The following TEK variants were observed in gnomAD, a reference collection of about 807,000 sequenced individuals.
TEK encodes TEK receptor tyrosine kinase, also known as angiopoietin-1 receptor.
A neutral mutation model predicts 131.8 loss-of-function variants in TEK; 43 were observed. The observed-to-expected ratio is 0.33, with a 90% CI of 0.26 to 0.42. TEK has a LOEUF of 0.42. Ranked by LOEUF, TEK falls within the 10% of genes least tolerant of loss-of-function variation. The pLI is 1.00. For synonymous variants in TEK, 580 were observed against 491.6 expected, an observed-to-expected ratio of 1.18 and a Z score of -2.38; for missense variants, 1,162 against 1,384.4, an observed-to-expected ratio of 0.84 and a Z score of 2.55.
At chr9:27,137,226 T>C (rs1822493054) in intron 1 of TEK, among the ~76,000 whole-genome samples, 1 of 152,208 alleles carries the variant, frequency 6.6e-6, no homozygotes, top group African/African-American at 2.4e-5. Flanking sequence ...CCTAAATCTA[T>C]CTTTTGATAA....
chr9:27,176,649 A>G (rs1415604876), intron 6 of TEK, among the ~76,000 whole-genome samples: 2 of 152,228 alleles, frequency 1.3e-5, no homozygotes, highest in Non-Finnish European at 2.9e-5. Flanking sequence ...CTGTTAAGCT[A>G]ATTAACATAT....
intron 1 of TEK, among the ~76,000 whole-genome samples, chr9:27,136,913 CTT>C (rs1554689195): frequency 6.6e-6 from 1 of 151,960 alleles, no homozygotes; most frequent in Non-Finnish European, 1.5e-5. Flanking sequence ...GTTTTTAAAT[CTT>C]TGTTTATTTA....
intron 21 of TEK, among the ~76,000 whole-genome samples, chr9:27,223,217 C>G (rs2756906): frequency 3.9e-5 from 6 of 151,902 alleles, no homozygotes; most frequent in Non-Finnish European, 8.8e-5. Flanking sequence ...GACGGATCAA[C>G]GAGACAGAAG....
chr9:27,134,166 T>C (rs1822329737), intron 1 of TEK, among the ~76,000 whole-genome samples: 1 of 152,230 alleles, frequency 6.6e-6, no homozygotes, highest in African/African-American at 2.4e-5. Flanking sequence ...TTTATGACAT[T>C]GATTTTTGTC....
At chr9:27,176,772 T>C (rs866373882) in intron 6 of TEK, among the ~76,000 whole-genome samples, 1 of 152,224 alleles carries the variant, frequency 6.6e-6, no homozygotes, top group African/African-American at 2.4e-5. Flanking sequence ...CCACACTGTC[T>C]ATTAGAACTC....
intron 2 of TEK, among the ~76,000 whole-genome samples, chr9:27,165,007 G>A (rs1823674814): frequency 6.6e-6 from 1 of 152,320 alleles, no homozygotes; most frequent in Admixed American, 6.5e-5. Context: ...GAACATGAAT[G>A]TTGGATTTCC....
intron 13 of TEK, 125 bp downstream of exon 13, chr9:27,203,244 CAG>C: frequency 9.9e-7 from 1 of 1,005,858 alleles, no homozygotes; most frequent in South Asian, 1.4e-5. Context: ...CAGGCATTTA[CAG>C]AGAGGTCCTT....
intron 1 of TEK, among the ~76,000 whole-genome samples, chr9:27,137,727 G>C (rs900757280): frequency 2.0e-5 from 3 of 152,132 alleles, no homozygotes; most frequent in African/African-American, 7.2e-5. Flanking sequence ...AGAGATCCCA[G>C]AGGCTCACTA....
At chr9:27,228,788 G>C (rs1004514708) in intron 22 of TEK, among the ~76,000 whole-genome samples, 1 of 152,064 alleles carries the variant, frequency 6.6e-6, no homozygotes, top group Non-Finnish European at 1.5e-5. Flanking sequence ...CAAAACCCAA[G>C]TGGTAATTCA....
rs1268337363 is a variant in TEK, at chr9:27,172,661, C to T, written c.674C>T (p.Thr225Ile). The change falls in exon 5 of 23, where the codon ACT (threonine) becomes ATT (isoleucine). Residue 225 changes from threonine (T) to isoleucine (I), a missense_variant. Transcript: ENST00000380036. ...GGACCTGAATGCAACCATCTCTGTA[C>T]TGCTTGTATGAACAATGGTGTCTGC... is the stretch of plus-strand genomic sequence containing the variant. ...KWGPECNHLC[T>I]ACMNNGVCHE... The T allele has an allele frequency of 1.2e-6, 2 of 1,613,756 alleles. No individual in the cohort carries two copies. Among genetic ancestry groups the T allele is most frequent in the Admixed American group, 3.3e-5 (2 of 59,998 alleles).
intron 1 of TEK, among the ~76,000 whole-genome samples, chr9:27,137,268 G>A (rs1822496327): frequency 6.6e-6 from 1 of 152,086 alleles, no homozygotes; most frequent in Non-Finnish European, 1.5e-5. Context: ...TGTACCCTAT[G>A]CATTTCACAT....
chr9:27,177,757 TGAAAAA>T (rs1421143942), intron 6 of TEK, among the ~76,000 whole-genome samples: 23 of 151,624 alleles, frequency 1.5e-4, no homozygotes, highest in African/African-American at 5.3e-4. Flanking sequence ...TCTCAAAAAA[TGAAAAA>T]GAAAAAAAAA....
intron 1 of TEK, among the ~76,000 whole-genome samples, chr9:27,130,348 A>G (rs1822162560): frequency 6.6e-6 from 1 of 152,214 alleles, no homozygotes; most frequent in African/African-American, 2.4e-5. Flanking sequence ...TAAAAAAACC[A>G]TCTCTTACCA....
intron 2 of TEK, among the ~76,000 whole-genome samples, chr9:27,163,397 A>G (rs506685): frequency 0.72 from 108,940 of 152,040 alleles, 39,665 homozygotes; most frequent in Admixed American, 0.8. Flanking sequence ...CTATGAGGGC[A>G]TCTAACCTGT....
At chr9:27,145,830 T>C (rs2131094945) in intron 1 of TEK, among the ~76,000 whole-genome samples, 1 of 152,326 alleles carries the variant, frequency 6.6e-6, no homozygotes, top group Admixed American at 6.5e-5. Flanking sequence ...TGTCAATATT[T>C]AATTAGAACA....
At position 27,192,627 on chromosome 9, in the gene TEK, A is replaced by G; in HGVS notation, c.1624+4A>G. On this transcript the variant is annotated splice_donor_region_variant and intron_variant, in intron 11 of 22. Transcript: ENST00000380036. ...CGCTTCACAACAGCTTCTATCGGTC[A>G]GTGGAAGCCAACAGGCATTTATTCA... 1 of 1,424,022 alleles carries G rather than the reference A, an allele frequency of 7.0e-7. No individual in the cohort carries two copies. The highest frequency in any genetic ancestry group is 9.4e-7 in the Non-Finnish European group (1 of 1,060,040). The allele number at this position is 1,424,022 out of a possible 1,614,324, so 88.2% of individuals were successfully genotyped here.
chr9:27,123,179 A>C (rs1231736993), intron 1 of TEK, among the ~76,000 whole-genome samples: 1 of 151,658 alleles, frequency 6.6e-6, no homozygotes, highest in Non-Finnish European at 1.5e-5. Context: ...GCTTAGGAGA[A>C]AGTGGGAAGG....
At chr9:27,200,175 C>T (rs980843800) in intron 12 of TEK, among the ~76,000 whole-genome samples, 27 of 152,150 alleles carry the variant, frequency 1.8e-4, no homozygotes, top group Non-Finnish European at 2.9e-5. Context: ...CATTTTGCAT[C>T]TATTTCTGGA....
At chr9:27,116,295 G>T (rs895451477) in intron 1 of TEK, among the ~76,000 whole-genome samples, 4 of 148,130 alleles carry the variant, frequency 2.7e-5, no homozygotes, top group African/African-American at 7.4e-5. Context: ...TGTAAAGGAA[G>T]TTTTTTTTTT....
Sources: gnomAD v4.1 joint callset for allele counts (sites outside exome capture counted in the v4.1 genomes callset) on GRCh38, gnomAD v4.1.1 for gene constraint, MANE v1.5 for transcripts, NCBI Gene and HGNC (gene_info 2026-07-23, HGNC 2026-07-21) for gene names.